Variants in DNHD1 observed in about 807,000 individuals in gnomAD.
The protein encoded by DNHD1 is dynein heavy chain domain 1.
Under a neutral mutation model 458.1 loss-of-function variants are expected in DNHD1, and 383 were observed. The ratio of observed to expected loss-of-function variants is 0.84; its 90% confidence interval spans 0.77 to 0.91. The LOEUF is 0.91. Among genes scored for constraint, DNHD1 ranks in the 40% least tolerant of loss-of-function variants. The probability of loss-of-function intolerance (pLI) is 0.00; values close to 1 mark genes in which losing one functional copy is unlikely to be tolerated. For missense variants in DNHD1, 5,336 were observed against 5,866.1 expected, an observed-to-expected ratio of 0.91 and a Z score of 2.95; for synonymous variants, 2,203 against 2,376.9, an observed-to-expected ratio of 0.93 and a Z score of 2.13.
At chr11:6,555,791 G>A (rs1384261285) in intron 24 of DNHD1, among the ~76,000 whole-genome samples, 3 of 152,152 alleles carry the variant, frequency 2.0e-5, no homozygotes, top group Non-Finnish European at 2.9e-5. Context: ...TGCCTGTGAT[G>A]GTGGTGGCAG....
intron 40 of DNHD1, 61 bp from the exon 41 acceptor site, chr11:6,570,186 G>A: frequency 6.2e-7 from 1 of 1,613,664 alleles, no homozygotes; most frequent in South Asian, 1.1e-5. Context: ...TCACAGCTTT[G>A]GTTTTGGCGG....
At chr11:6,543,758 G>A (rs929021015) in intron 18 of DNHD1, among the ~76,000 whole-genome samples, 5 of 151,990 alleles carry the variant, frequency 3.3e-5, no homozygotes, top group African/African-American at 1.2e-4. Flanking sequence ...TTGGGAGTTC[G>A]AGACCAGCCT....
chr11:6,520,312 G>C (rs183492473), intron 10 of DNHD1, 23 bp downstream of exon 10: 14 of 1,551,662 alleles, frequency 9.0e-6, no homozygotes, highest in South Asian at 1.2e-5. Context: ...ACCTAGGCAG[G>C]GGGTAGGAAG....
rs1257285797 is a variant in DNHD1, at chr11:6,544,771, TTA to T, written c.3853-19_3853-18del. On this transcript the variant is annotated intron_variant, in intron 20 of 42. Transcript: ENST00000254579. The stretch of plus-strand genomic sequence containing the variant: ...TGCCACTTCATATTGGCCCTCACTT[TTA>T]TCCTCTCCCTCACCACAGAACTCTC... 6.5e-7 allele frequency: 1 copy of T among 1,547,782 alleles called. No homozygotes were observed. The highest frequency in any genetic ancestry group is 2.4e-5 in the East Asian group (1 of 40,868).
intron 18 of DNHD1, among the ~76,000 whole-genome samples, chr11:6,542,025 A>G (rs1330439243): frequency 6.6e-6 from 1 of 152,162 alleles, no homozygotes; most frequent in Non-Finnish European, 1.5e-5. Flanking sequence ...TCACCTCTTT[A>G]TATCCAGTAT....
intron 7 of DNHD1, among the ~76,000 whole-genome samples, chr11:6,515,779 ATTTTTTTT>A (rs61095437): frequency 1.8e-5 from 2 of 108,318 alleles, no homozygotes; most frequent in African/African-American, 7.4e-5. Context: ...CTATAGACAC[ATTTTTTTT>A]TTTTTTTTTT....
rs374438454 is a variant in DNHD1, at chr11:6,566,649, C to A, written c.11269C>A (p.Leu3757Met). Residue 3757 changes from leucine (L) to methionine (M), a missense_variant, in exon 35 of 43, where the codon CTG becomes ATG. Physicochemically the swap from Leu to Met is conservative, Grantham distance 15. This residue lies in a region of DNHD1 where 695 missense variants were observed against 804.2 expected (regional missense o/e 0.86). Coordinates refer to ENST00000254579, the MANE Select transcript of DNHD1 (RefSeq NM_144666.3). ...VLDLGLNMEI[L>M]EEQMLHEILC... The stretch of plus-strand genomic sequence containing the variant: ...GGATCTGGGCCTGAACATGGAAATA[C>A]TGGAAGAACAGATGCTGCATGAAAT... 248 of 1,613,640 alleles carry A rather than the reference C, an allele frequency of 1.5e-4. No homozygotes were observed. The highest frequency in any genetic ancestry group is 2.0e-4 in the Non-Finnish European group (239 of 1,179,808).
chr11:6,520,378 C>G, intron 10 of DNHD1, 89 bp downstream of exon 10: 1 of 1,548,014 alleles, frequency 6.5e-7, no homozygotes, highest in East Asian at 2.4e-5. Flanking sequence ...GCAGGAGGTC[C>G]AGGCTATAGA....
chr11:6,547,383 T>C lies in DNHD1; in HGVS notation c.6444T>C (p.Gly2148=). The C allele has an allele frequency of 6.4e-7, 1 of 1,551,696 alleles. No homozygotes were observed. Among genetic ancestry groups the C allele is most frequent in the Non-Finnish European group, 8.7e-7 (1 of 1,146,984 alleles). The change falls in exon 21 of 43, where the codon GGT becomes GGC. Residue 2148 remains glycine, a synonymous_variant. Coordinates refer to ENST00000254579, the MANE Select transcript of DNHD1 (RefSeq NM_144666.3). ...GCTGTTGTGCCCTAGTCTGGTGTGGTGGAGAGCAGACTTGGCAGTGTATAC... is the reference window on the plus strand; with the variant it reads ...GCTGTTGTGCCCTAGTCTGGTGTGGCGGAGAGCAGACTTGGCAGTGTATAC... ...VVGCCALVWC[G]GEQTWQCILS...
chr11:6,546,824 A>G lies in DNHD1; in HGVS notation c.5885A>G (p.Gln1962Arg). The G allele has an allele frequency of 6.4e-7, 1 of 1,551,838 alleles. No homozygotes were observed. The highest frequency in any genetic ancestry group is 1.7e-4 in the Middle Eastern group (1 of 5,992). The change falls in exon 21 of 43, where the codon CAG (glutamine) becomes CGG (arginine). Residue 1962 changes from glutamine to arginine, a missense_variant. Gln to Arg is a conservative substitution (Grantham distance 43). Around this residue, in one of 4 missense-constraint regions of DNHD1, gnomAD observed 3,932 missense variants for 4,365.6 expected, o/e 0.90. Transcript: ENST00000254579. ...MKPLVVEELQQVGLDPSPDIL... is the reference protein window; with the variant it reads ...MKPLVVEELQRVGLDPSPDIL... ...CCATTGGTGGTGGAGGAACTGCAAC[A>G]GGTAGGTCTGGATCCCAGCCCTGAC...
At position 6,571,406 on chromosome 11, in the gene DNHD1, A is replaced by G; in HGVS notation, c.13894A>G (p.Asn4632Asp). The G allele has an allele frequency of 6.2e-7, 1 of 1,603,206 alleles. No homozygotes were observed. The highest frequency in any genetic ancestry group is 1.1e-5 in the South Asian group (1 of 90,124). The change falls in exon 42 of 43, where the codon AAC becomes GAC. Residue 4632 changes from asparagine (N) to aspartate (D), a missense_variant. Coordinates refer to ENST00000254579, the MANE Select transcript of DNHD1 (RefSeq NM_144666.3). This position sits in a 1 kb window ranked among gnomAD's most constrained non-coding sequence, Gnocchi z 5.0. ...LQYKRLEMNS[N>D]PLHFRVENGP... ...GTATAAACGTCTGGAGATGAACAGC[A>G]ACCCTCTGCACTTCAGGGTATCTTC...
Position 6,557,620 on chromosome 11 carries a change from G to A in DNHD1, c.8325G>A (p.Arg2775=). 6.4e-7 allele frequency: 1 copy of A among 1,551,740 alleles called. No homozygotes were observed. The highest frequency in any genetic ancestry group is 8.7e-7 in the Non-Finnish European group (1 of 1,147,004). The part of the protein sequence containing the change: ...SHKIRQEKGT[R]ASNYRLQVRR... ...AGATAAGGCAAGAGAAAGGCACAAG[G>A]GCATCCAACTATAGGCTCCAGGTAA... is the stretch of plus-strand genomic sequence containing the variant. Residue 2775 remains arginine (R), a synonymous_variant, in exon 25 of 43, where the codon AGG becomes AGA. Coordinates refer to ENST00000254579, the MANE Select transcript of DNHD1 (RefSeq NM_144666.3).
intron 12 of DNHD1, 124 bp downstream of exon 12, chr11:6,529,245 C>A (rs1459899445): frequency 6.6e-6 from 7 of 1,053,718 alleles, no homozygotes; most frequent in Non-Finnish European, 6.7e-6. Context: ...ACCTATGAAG[C>A]CTTCCAAAGC....
At chr11:6,551,743 C>G (rs532212510) in intron 24 of DNHD1, among the ~76,000 whole-genome samples, 3 of 152,142 alleles carry the variant, frequency 2.0e-5, no homozygotes, top group East Asian at 3.9e-4. Context: ...GAGATGGAGA[C>G]CATCCTGGCC....
rs201431169 is a variant in DNHD1, at chr11:6,498,995, A to T, written c.746+34A>T. 31 of 1,530,970 alleles carry T rather than the reference A, an allele frequency of 2.0e-5. No homozygotes were observed. The Admixed American group carries it at 5.4e-4, about 27-fold the overall frequency. 94.8% of individuals were successfully genotyped at this position (1,530,970 alleles called of 1,614,324 possible). A position where few individuals can be genotyped will look rare whatever the true frequency, so the allele number is the denominator to read the frequency against. Reference sequence around the variant, plus strand: ...GGGACTCAGTCTAGGGCTTGAGCAGAGGAGAAAAAGTTGCTGTTTTATGGG... The same window carrying T: ...GGGACTCAGTCTAGGGCTTGAGCAGTGGAGAAAAAGTTGCTGTTTTATGGG... On this transcript the variant is annotated intron_variant, in intron 3 of 42. Coordinates refer to ENST00000254579, the MANE Select transcript of DNHD1 (RefSeq NM_144666.3).
Position 6,533,677 on chromosome 11 carries a change from G to A in DNHD1, c.2506-4G>A. The A allele has an allele frequency of 1.9e-6, 3 of 1,541,366 alleles. No individual in the cohort carries two copies. In the South Asian group the frequency reaches 3.6e-5, roughly 19 times the overall value. ...CTGCCGGTCTCATGCTGTAATTCCT[G>A]CAGTTGAATGAAGCCAATGAACAGT... is the stretch of plus-strand genomic sequence containing the variant. On this transcript the variant is annotated splice_region_variant and splice_polypyrimidine_tract_variant and intron_variant, in intron 13 of 42. Coordinates refer to ENST00000254579, the MANE Select transcript of DNHD1 (RefSeq NM_144666.3).
At chr11:6,566,158 G>T in intron 33 of DNHD1, 83 bp from the exon 34 acceptor site, 1 of 1,517,144 alleles carries the variant, frequency 6.6e-7, no homozygotes, top group South Asian at 1.3e-5. Context: ...AGGGAAGCTG[G>T]TCAGAGCCAG....
At chr11:6,509,432 A>T (rs977398547) in intron 6 of DNHD1, among the ~76,000 whole-genome samples, 160 bp downstream of exon 6, 2 of 152,204 alleles carry the variant, frequency 1.3e-5, no homozygotes, top group African/African-American at 4.8e-5. Context: ...ATATCTTTCT[A>T]GTCTTTTTTC....
In DNHD1 at chr11:6,548,109, C is replaced by T. The variant is rs1481833360; in HGVS notation, c.6905+69C>T. 2 of 1,546,128 alleles carry T rather than the reference C, an allele frequency of 1.3e-6. No individual in the cohort carries two copies. The highest frequency in any genetic ancestry group is 1.8e-6 in the Non-Finnish European group (2 of 1,142,064). On this transcript the variant is annotated intron_variant, in intron 22 of 42. Transcript: ENST00000254579. This position sits in a 1 kb window ranked among gnomAD's most constrained non-coding sequence, Gnocchi z 4.4. ...GGACTGGCCCATGGAAGTAAAAACC[C>T]ACATGACATCACTGTTAGGGTATGG...
Sources: allele counts gnomAD v4.1 joint callset (sites outside exome capture counted in the v4.1 genomes callset), GRCh38; gene constraint gnomAD v4.1.1; regional missense constraint gnomAD v4.1.1; non-coding constraint Gnocchi (gnomAD v3.1); transcripts MANE v1.5; gene names NCBI Gene and HGNC (gene_info 2026-07-23, HGNC 2026-07-21).